Variants in SGCZ observed in about 807,000 individuals in gnomAD.
SGCZ encodes zeta-sarcoglycan.
A neutral mutation model predicts 41.3 loss-of-function variants in SGCZ; 40 were observed. That is an observed-to-expected ratio of 0.97 (90% CI 0.75 to 1.26). The LOEUF is 1.26. SGCZ is among the 50% of genes most tolerant of loss of function. The pLI, the probability that SGCZ is intolerant of heterozygous loss-of-function variation, is 0.00. For synonymous variants in SGCZ, 206 were observed against 137.5 expected (o/e 1.50, Z -3.49); for missense variants, 552 against 369.8 (o/e 1.49, Z -4.04).
intron 5 of SGCZ, among the ~76,000 whole-genome samples, chr8:14,141,029 C>T (rs1803352878): frequency 6.6e-6 from 1 of 152,156 alleles, no homozygotes; most frequent in Admixed American, 6.5e-5. Context: ...ACACCTACAA[C>T]CATCTGATCT....
At chr8:14,245,595 G>A (rs1041475713) in intron 3 of SGCZ, among the ~76,000 whole-genome samples, 1 of 152,138 alleles carries the variant, frequency 6.6e-6, no homozygotes, top group African/African-American at 2.4e-5. Context: ...ATTGACAAAT[G>A]GGATCTAATT....
At chr8:14,120,504 C>G (rs1802665110) in intron 5 of SGCZ, among the ~76,000 whole-genome samples, 1 of 151,984 alleles carries the variant, frequency 6.6e-6, no homozygotes, top group African/African-American at 2.4e-5. Context: ...TTATATTTGG[C>G]TAGAATCACC....
chr8:14,111,126 A>T (rs1199095054), intron 5 of SGCZ, among the ~76,000 whole-genome samples: 3 of 152,122 alleles, frequency 2.0e-5, no homozygotes, highest in African/African-American at 7.2e-5. Flanking sequence ...AATTTTTACC[A>T]TGTAGATTAC....
At chr8:14,179,944 G>A (rs2117020132) in intron 4 of SGCZ, among the ~76,000 whole-genome samples, 1 of 152,320 alleles carries the variant, frequency 6.6e-6, no homozygotes, top group South Asian at 2.1e-4. Flanking sequence ...ACATATTGGT[G>A]AAACCGGCCC....
chr8:14,151,094 A>G (rs1406720957), intron 5 of SGCZ, among the ~76,000 whole-genome samples: 1 of 152,168 alleles, frequency 6.6e-6, no homozygotes, highest in East Asian at 1.9e-4. Flanking sequence ...GAAAAAATGA[A>G]TAAGACCTGT....
At chr8:14,676,530 C>T (rs1033401901) in intron 1 of SGCZ, among the ~76,000 whole-genome samples, 3 of 152,064 alleles carry the variant, frequency 2.0e-5, no homozygotes, top group African/African-American at 4.8e-5. Context: ...TCAGAGTAAA[C>T]CTCAAAATTA....
At position 14,234,616 on chromosome 8, in the gene SGCZ, G is replaced by C. The variant is rs1404672381; in HGVS notation, c.424+2976C>G. Among the ~76,000 whole-genome samples, 5 of 151,712 alleles carry C rather than the reference G, an allele frequency of 3.3e-5. No homozygotes were observed. In the East Asian group the frequency reaches 5.8e-4, roughly 18 times the overall value. The stretch of plus-strand genomic sequence containing the variant: ...TTTGTGTGCTAATTTTTTTAATATT[G>C]CAAAAATAGTATCATGACTGTACTA... On this transcript the variant is annotated intron_variant, in intron 4 of 7. Coordinates refer to ENST00000382080, the MANE Select transcript of SGCZ (RefSeq NM_139167.4).
In SGCZ at chr8:14,384,748, G is replaced by C. The variant is rs560015560; in HGVS notation, c.235-60544C>G. On this transcript the variant is annotated intron_variant, in intron 2 of 7. Coordinates refer to ENST00000382080, the MANE Select transcript of SGCZ (RefSeq NM_139167.4). ...CTAATTTTTGTAGAGACGAGGTTTT[G>C]CCATGTTGGCCGGGCTGGTCTTGAA... 4.3e-4 allele frequency among the ~76,000 whole-genome samples: 66 copies of C among 152,184 alleles called. 1 individual carries two copies. Among genetic ancestry groups the C allele is most frequent in the Middle Eastern group, 6.8e-3 (2 of 294 alleles).
chr8:14,212,742 G>A (rs2117099525), intron 4 of SGCZ, among the ~76,000 whole-genome samples: 1 of 152,274 alleles, frequency 6.6e-6, no homozygotes, highest in African/African-American at 2.4e-5. Context: ...CCAACATTGA[G>A]ATGAATTAGA....
rs552307028 is a variant in SGCZ at position 14,207,639 on chromosome 8, G to A, written c.424+29953C>T. 2.0e-5 allele frequency among the ~76,000 whole-genome samples: 3 copies of A among 152,008 alleles called. No homozygotes were observed. The South Asian group carries it at 6.2e-4, about 32-fold the overall frequency. ...AAATACTGTTTCTTCTGTTTATGTA[G>A]TAGTGCTCTATTGTTAAATGAAAAC... On this transcript the variant is annotated intron_variant, in intron 4 of 7. Transcript: ENST00000382080.
chr8:14,148,035 C>T lies in SGCZ; in HGVS notation c.547+16545G>A, dbSNP rs777187450. Among the ~76,000 whole-genome samples the T allele has an allele frequency of 2.9e-4, 44 of 152,010 alleles. 1 individual carries two copies. The highest frequency in any genetic ancestry group is 6.0e-4 in the Non-Finnish European group (41 of 67,946). Reference sequence around the variant, plus strand: ...TAACCTAAACACAACATACCAAAACCTATGGGATACAGCAAAAATAGTACT... The same window carrying T: ...TAACCTAAACACAACATACCAAAACTTATGGGATACAGCAAAAATAGTACT... On this transcript the variant is annotated intron_variant, in intron 5 of 7. Coordinates refer to ENST00000382080, the MANE Select transcript of SGCZ (RefSeq NM_139167.4).
At chr8:14,423,427 T>C (rs1799689828) in intron 2 of SGCZ, among the ~76,000 whole-genome samples, 1 of 152,284 alleles carries the variant, frequency 6.6e-6, no homozygotes, top group Admixed American at 6.5e-5. Context: ...ATAATTATTA[T>C]TTTTTTAAGA....
At chr8:14,152,655 G>A (rs1414405384) in intron 5 of SGCZ, among the ~76,000 whole-genome samples, 1 of 152,042 alleles carries the variant, frequency 6.6e-6, no homozygotes, top group Admixed American at 6.6e-5. Flanking sequence ...CCACCATATG[G>A]CCCAGCAAAC....
chr8:14,913,744 A>G (rs1478926257), intron 1 of SGCZ, among the ~76,000 whole-genome samples: 1 of 152,068 alleles, frequency 6.6e-6, no homozygotes, highest in Non-Finnish European at 1.5e-5. Context: ...TTTATATAAA[A>G]ACAGGTTTTG....
intron 1 of SGCZ, among the ~76,000 whole-genome samples, chr8:15,033,380 A>G (rs1803756763): frequency 6.6e-6 from 1 of 151,738 alleles, no homozygotes; most frequent in Non-Finnish European, 1.5e-5. Context: ...CCCAGGCTCC[A>G]GACTAGCCCC....
intron 1 of SGCZ, among the ~76,000 whole-genome samples, chr8:14,799,480 A>G (rs1220763735): frequency 6.6e-6 from 1 of 152,134 alleles, no homozygotes; most frequent in East Asian, 1.9e-4. Flanking sequence ...GGTGAAAGAA[A>G]GATCCAGTAT....
chr8:14,824,192 G>C (rs112303935), intron 1 of SGCZ, among the ~76,000 whole-genome samples: 6,577 of 152,066 alleles, frequency 0.043, 185 homozygotes, highest in South Asian at 0.078. Context: ...GCACAGTAGG[G>C]TGACTATATT....
At chr8:14,406,627 C>G (rs1252918025) in intron 2 of SGCZ, among the ~76,000 whole-genome samples, 2 of 152,030 alleles carry the variant, frequency 1.3e-5, no homozygotes, top group Admixed American at 6.6e-5. Flanking sequence ...CTAGCAAAAA[C>G]AAGTACAGGG....
intron 1 of SGCZ, among the ~76,000 whole-genome samples, chr8:15,055,184 C>A (rs1804660844): frequency 6.6e-6 from 1 of 152,100 alleles, no homozygotes; most frequent in Non-Finnish European, 1.5e-5. Flanking sequence ...ACTTGCTGTG[C>A]AAACTTGAAT....
Sources: allele counts gnomAD v4.1 joint callset (sites outside exome capture counted in the v4.1 genomes callset), GRCh38; gene constraint gnomAD v4.1.1; transcripts MANE v1.5; gene names NCBI Gene and HGNC (gene_info 2026-07-23, HGNC 2026-07-21).